RAB10: variants seen among roughly 807,000 people sequenced by gnomAD.
The protein encoded by RAB10 is ras-related protein Rab-10.
A neutral mutation model predicts 25.7 loss-of-function variants in RAB10; 5 were observed. The ratio of observed to expected loss-of-function variants is 0.19; its 90% CI spans 0.10 to 0.41. The LOEUF (loss-of-function observed/expected upper bound fraction) is 0.41. RAB10 is among the 10% of genes least tolerant of loss of function. The probability of loss-of-function intolerance (pLI) is 1.00; values close to 1 mark genes in which losing one functional copy is unlikely to be tolerated. For missense variants in RAB10, 103 were observed against 245.8 expected, an observed-to-expected ratio of 0.42 and a Z score of 3.89; for synonymous variants, 89 against 86.4, an observed-to-expected ratio of 1.03 and a Z score of -0.16.
chr2:26,096,446 A>C (rs1342939093), intron 1 of RAB10, among the ~76,000 whole-genome samples: 2 of 151,860 alleles, frequency 1.3e-5, no homozygotes, highest in East Asian at 3.8e-4. Flanking sequence ...GGATGGATGG[A>C]TGGATGGATG....
At chr2:26,050,762 C>T in intron 1 of RAB10, among the ~76,000 whole-genome samples, 1 of 151,920 alleles carries the variant, frequency 6.6e-6, no homozygotes, top group East Asian at 1.9e-4. Context: ...TGGTTGGGAC[C>T]ACAGGTGCAT....
At position 26,134,990 on chromosome 2, in the gene RAB10, G is replaced by A; in HGVS notation, c.572G>A (p.Gly191Asp). The A allele has an allele frequency of 6.2e-7, 1 of 1,613,868 alleles. No individual in the cohort carries two copies. ...AATGTAGATATCAGCAGTGGAGGAG[G>A]CGTGACAGGCTGGAAGAGCAAATGC... ...SENVDISSGG[G>D]VTGWKSKCC The change falls in exon 6 of 6, where the codon GGC (glycine) becomes GAC (aspartate). Residue 191 changes from glycine to aspartate, a missense_variant. Physicochemically the swap from Gly to Asp is moderately conservative, Grantham distance 94. Around this residue, in one of 2 missense-constraint regions of RAB10, gnomAD observed 24 missense variants for 28.0 expected, o/e 0.86. Transcript: ENST00000264710.
chr2:26,078,430 G>A (rs932263988), intron 1 of RAB10, among the ~76,000 whole-genome samples: 16 of 152,144 alleles, frequency 1.1e-4, no homozygotes, highest in African/African-American at 3.6e-4. Context: ...AGAAAGCTGT[G>A]GTAATAAGAC....
At chr2:26,057,868 C>T (rs752647160) in intron 1 of RAB10, among the ~76,000 whole-genome samples, 3 of 152,156 alleles carry the variant, frequency 2.0e-5, no homozygotes, top group South Asian at 2.1e-4. Context: ...AAGGGATCCA[C>T]CTGCCTTGGC....
chr2:26,039,539 C>T (rs572504504), intron 1 of RAB10, among the ~76,000 whole-genome samples: 73 of 135,160 alleles, frequency 5.4e-4, no homozygotes, highest in Admixed American at 1.3e-3. Flanking sequence ...AGTAGAGATG[C>T]GGTTTTGCCA....
chr2:26,033,742 G>C (rs1363811966), upstream of RAB10, among the ~76,000 whole-genome samples: 5 of 152,130 alleles, frequency 3.3e-5, no homozygotes, highest in African/African-American at 9.7e-5. Context: ...GGGGAAGGAG[G>C]TGCTGGGCTC....
intron 3 of RAB10, among the ~76,000 whole-genome samples, chr2:26,126,214 GTGTATC>G (rs1417493098): frequency 3.3e-5 from 5 of 152,196 alleles, no homozygotes; most frequent in African/African-American, 1.2e-4. Context: ...CCATTAGTCT[GTGTATC>G]TGTCTTTATG....
Position 26,064,408 on chromosome 2 carries a change from C to T in RAB10, c.127+29673C>T, listed in dbSNP as rs577494885. Among the ~76,000 whole-genome samples the T allele has an allele frequency of 4.6e-5, 7 of 152,198 alleles. No individual in the cohort carries two copies. In the South Asian group the frequency reaches 1.2e-3, roughly 27 times the overall value. ...ATGCATTTCTGCTCATTGCAACCTC[C>T]ACTTCTGGGCTCAAGCAATCCTCCC... is the stretch of plus-strand genomic sequence containing the variant. On this transcript the variant is annotated intron_variant, in intron 1 of 5. Coordinates refer to ENST00000264710, the MANE Select transcript of RAB10 (RefSeq NM_016131.5).
chr2:26,043,198 T>G (rs1665928659), intron 1 of RAB10, among the ~76,000 whole-genome samples: 1 of 152,050 alleles, frequency 6.6e-6, no homozygotes, highest in Non-Finnish European at 1.5e-5. Flanking sequence ...GAGGCCAGAT[T>G]ACTTGGGCTC....
At chr2:26,052,089 T>C (rs1489530235) in intron 1 of RAB10, among the ~76,000 whole-genome samples, 2 of 148,496 alleles carry the variant, frequency 1.3e-5, no homozygotes, top group East Asian at 4.0e-4. Context: ...ATTAAAAAGA[T>C]GTTTGCAGCA....
chr2:26,066,777 A>ATTTTTTTTTT lies in RAB10; in HGVS notation c.128-31871_128-31862dup, dbSNP rs3065544. ...GGGACACAGCAAAACCATGCCATCA[A>ATTTTTTTTTT]TTTTTTTTTTTTTTTTTTTTTTTGA... is the stretch of plus-strand genomic sequence containing the variant. On this transcript the variant is annotated intron_variant, in intron 1 of 5. Transcript: ENST00000264710. 3.5e-4 allele frequency among the ~76,000 whole-genome samples: 39 copies of ATTTTTTTTTT among 110,236 alleles called. 1 individual carries two copies. The highest frequency in any genetic ancestry group is 1.3e-3 in the African/African-American group (38 of 29,466). The allele number at this position is 110,236 out of a possible 152,430, so 72.3% of individuals were successfully genotyped here.
intron 1 of RAB10, among the ~76,000 whole-genome samples, chr2:26,066,597 C>T (rs1559582928): frequency 6.6e-6 from 1 of 151,916 alleles, no homozygotes; most frequent in Admixed American, 6.6e-5. Flanking sequence ...ATGAGAGGAG[C>T]GAAGCCCCTT....
At chr2:26,102,179 G>A (rs1165882280) in intron 2 of RAB10, 1 of 152,114 alleles carries the variant, frequency 6.6e-6, no homozygotes, top group African/African-American at 2.4e-5. Flanking sequence ...TTCTTGCTCT[G>A]CTTTCTGTTT....
chr2:26,079,651 C>T (rs1666823869), intron 1 of RAB10, among the ~76,000 whole-genome samples: 1 of 152,132 alleles, frequency 6.6e-6, no homozygotes, highest in African/African-American at 2.4e-5. Flanking sequence ...CCTCCCTTTT[C>T]TCCCTCCCTT....
intron 2 of RAB10, chr2:26,101,927 G>A (rs1451704616): frequency 6.6e-6 from 1 of 152,248 alleles, no homozygotes; most frequent in Non-Finnish European, 1.5e-5. Flanking sequence ...GATGGGCGGG[G>A]AGAATAGAGA....
intron 1 of RAB10, among the ~76,000 whole-genome samples, chr2:26,072,875 A>T (rs1431214779): frequency 1.3e-5 from 2 of 152,262 alleles, no homozygotes; most frequent in Non-Finnish European, 2.9e-5. Flanking sequence ...TGCATTAAAT[A>T]CTTAAATTGT....
intron 1 of RAB10, among the ~76,000 whole-genome samples, chr2:26,054,489 C>T (rs765278649): frequency 2.0e-5 from 3 of 152,088 alleles, no homozygotes; most frequent in Admixed American, 6.6e-5. Flanking sequence ...CACACGTGGC[C>T]GGATAGGGGT....
At position 26,136,012 on chromosome 2, in the gene RAB10, A is replaced by C. The variant is rs1424487094; in HGVS notation, c.*991A>C. On this transcript the variant is annotated 3_prime_UTR_variant, in exon 6 of 6. Coordinates refer to ENST00000264710, the MANE Select transcript of RAB10 (RefSeq NM_016131.5). Reference sequence around the variant, plus strand: ...CCTAAAATGTGTCCCAGATGCCTTCATTTGCTGTTTTACTTCTATGTTCTG... The same window carrying C: ...CCTAAAATGTGTCCCAGATGCCTTCCTTTGCTGTTTTACTTCTATGTTCTG... 2 of 152,432 alleles carry C rather than the reference A, an allele frequency of 1.3e-5. No homozygotes were observed. Among genetic ancestry groups the C allele is most frequent in the Non-Finnish European group, 2.9e-5 (2 of 68,040 alleles). The allele number at this position is 152,432 out of a possible 1,614,324, so 9.4% of individuals were successfully genotyped here.
chr2:26,127,568 G>C (rs1667929721), intron 4 of RAB10, among the ~76,000 whole-genome samples: 1 of 152,180 alleles, frequency 6.6e-6, no homozygotes, highest in Admixed American at 6.5e-5. Flanking sequence ...GGAGCCTATG[G>C]TGAGCAGAAA....
Sources: allele counts gnomAD v4.1 joint callset (sites outside exome capture counted in the v4.1 genomes callset), GRCh38; gene constraint gnomAD v4.1.1; regional missense constraint gnomAD v4.1.1; transcripts MANE v1.5; gene names NCBI Gene and HGNC (gene_info 2026-07-23, HGNC 2026-07-21).